Variants in RNF169 observed in about 807,000 individuals in gnomAD.
RNF169 encodes ring finger protein 169.
In RNF169, 24 loss-of-function variants were observed where a neutral mutation model predicts 53.9. The observed-to-expected ratio is 0.45, with a 90% CI of 0.32 to 0.63. RNF169 has a LOEUF of 0.63. Ranked by LOEUF, RNF169 falls within the 20% of genes least tolerant of loss-of-function variation. RNF169 has a pLI of 0.04. For missense variants in RNF169, 883 were observed against 906.2 expected, an observed-to-expected ratio of 0.97 and a Z score of 0.33; for synonymous variants, 396 against 363.5, an observed-to-expected ratio of 1.09 and a Z score of -1.02.
At chr11:74,777,673 G>C (rs1159009137) in intron 1 of RNF169, among the ~76,000 whole-genome samples, 1 of 151,636 alleles carries the variant, frequency 6.6e-6, no homozygotes. Context: ...TTTGAGACAG[G>C]GTCTTGCTCT....
intron 2 of RNF169, among the ~76,000 whole-genome samples, chr11:74,804,294 A>T (rs1314124417): frequency 6.6e-6 from 1 of 152,186 alleles, no homozygotes; most frequent in Admixed American, 6.5e-5. Flanking sequence ...GTCACCTGTA[A>T]CCCTGAACTG....
intron 3 of RNF169, 128 bp from the exon 4 acceptor site, chr11:74,817,468 A>T (rs1231065105): frequency 1.5e-6 from 1 of 659,728 alleles, no homozygotes; most frequent in East Asian, 2.5e-5. Context: ...TATCTCCAGG[A>T]GGCAGTTGGA....
chr11:74,794,474 T>C (rs2135092038), intron 2 of RNF169, among the ~76,000 whole-genome samples: 1 of 152,332 alleles, frequency 6.6e-6, no homozygotes, highest in African/African-American at 2.4e-5. Context: ...TGCTAGCATA[T>C]ATAAATAAAG....
intron 1 of RNF169, among the ~76,000 whole-genome samples, chr11:74,752,512 G>A (rs1268923254): frequency 6.6e-6 from 1 of 151,044 alleles, no homozygotes; most frequent in African/African-American, 2.4e-5. Context: ...CAGGAGACTC[G>A]CTTGAACCTG....
chr11:74,823,464 G>A (rs1365195132), intron 4 of RNF169, among the ~76,000 whole-genome samples: 1 of 152,170 alleles, frequency 6.6e-6, no homozygotes, highest in Non-Finnish European at 1.5e-5. Context: ...GGCTGAGTTT[G>A]GTGACTCATG....
At position 74,839,024 on chromosome 11, in the gene RNF169, A is replaced by G. The variant is rs2036299736; in HGVS notation, c.*2294A>G. ...AAAAAGAAATATTTTTAATAGATAA[A>G]AGATATATATTTTAAATATTTCCCC... On this transcript the variant is annotated 3_prime_UTR_variant, in exon 6 of 6. Transcript: ENST00000299563. 6.6e-6 allele frequency: 1 copy of G among 152,206 alleles called. No homozygotes were observed. The highest frequency in any genetic ancestry group is 1.9e-4 in the East Asian group (1 of 5,204). The allele number at this position is 152,206 out of a possible 1,614,324, so 9.4% of individuals were successfully genotyped here.
chr11:74,830,687 A>G (rs1048249029), intron 4 of RNF169: 7 of 152,228 alleles, frequency 4.6e-5, no homozygotes, highest in African/African-American at 1.7e-4. Context: ...GGTAAGCATT[A>G]CCCTGATACC....
intron 1 of RNF169, among the ~76,000 whole-genome samples, chr11:74,759,266 T>A (rs1294182942): frequency 7.0e-6 from 1 of 143,294 alleles, no homozygotes; most frequent in East Asian, 2.2e-4. Context: ...CAGGGACAAT[T>A]TGACTTCCTC....
intron 1 of RNF169, among the ~76,000 whole-genome samples, chr11:74,772,167 A>G (rs543288828): frequency 7.4e-6 from 1 of 134,868 alleles, no homozygotes; most frequent in South Asian, 2.4e-4. Flanking sequence ...TCTAAGGGAA[A>G]AATTGGTCTT....
At chr11:74,796,663 C>T (rs1565179491) in intron 2 of RNF169, among the ~76,000 whole-genome samples, 1 of 151,828 alleles carries the variant, frequency 6.6e-6, no homozygotes, top group African/African-American at 2.4e-5. Context: ...CTCTGAAAGA[C>T]TGAAGGTGGG....
chr11:74,834,162 A>C (rs2036218183), intron 4 of RNF169, among the ~76,000 whole-genome samples: 1 of 152,210 alleles, frequency 6.6e-6, no homozygotes, highest in Non-Finnish European at 1.5e-5. Context: ...AATCACTAGG[A>C]TTTAGGCCTT....
chr11:74,766,259 C>A (rs1330969189), intron 1 of RNF169, among the ~76,000 whole-genome samples: 5 of 152,104 alleles, frequency 3.3e-5, no homozygotes, highest in Admixed American at 2.6e-4. Flanking sequence ...CAAAGCAATA[C>A]CACCGCGTGG....
chr11:74,778,024 C>T (rs12576129), intron 1 of RNF169, among the ~76,000 whole-genome samples: 38,312 of 152,020 alleles, frequency 0.25, 5,746 homozygotes, highest in East Asian at 0.54. Flanking sequence ...AAAGCATTGC[C>T]TCTCCTTCCC....
At chr11:74,782,511 C>A (rs1458096940) in intron 1 of RNF169, among the ~76,000 whole-genome samples, 1 of 152,124 alleles carries the variant, frequency 6.6e-6, no homozygotes, top group Non-Finnish European at 1.5e-5. Flanking sequence ...GGAACAGTTT[C>A]ATCTCAACCA....
chr11:74,836,891 G>T lies in RNF169; in HGVS notation c.*161G>T, dbSNP rs2036265821. On this transcript the variant is annotated 3_prime_UTR_variant, in exon 6 of 6. Transcript: ENST00000299563. ...TTTGTAGTCAATATCCAAGGGAAAA[G>T]CATCTCCGTTTCTCTGTGACCCAGG... is the stretch of plus-strand genomic sequence containing the variant. The T allele has an allele frequency of 1.6e-6, 1 of 614,072 alleles. No homozygotes were observed. The highest frequency in any genetic ancestry group is 2.9e-5 in the East Asian group (1 of 34,522). 38.0% of individuals were successfully genotyped at this position (614,072 alleles called of 1,614,324 possible).
chr11:74,835,824 C>G lies in RNF169; in HGVS notation c.1221C>G (p.Ile407Met). ...GCCGTGTGCTAAGTCCTCTCATCAT[C>G]AAATCAACTCCACGCAACCTAAACA... ...PDGRVLSPLI[I>M]KSTPRNLNRS... is the part of the protein sequence containing the mutation. The change falls in exon 6 of 6, where the codon ATC becomes ATG. Residue 407 changes from isoleucine to methionine, a missense_variant. Around this residue, in one of 3 missense-constraint regions of RNF169, gnomAD observed 219 missense variants for 289.1 expected, o/e 0.76. Coordinates refer to ENST00000299563, the MANE Select transcript of RNF169 (RefSeq NM_001098638.2). The G allele has an allele frequency of 6.2e-7, 1 of 1,614,180 alleles. No homozygotes were observed. Among genetic ancestry groups the G allele is most frequent in the Non-Finnish European group, 8.5e-7 (1 of 1,180,026 alleles).
At chr11:74,762,471 G>T (rs1211295904) in intron 1 of RNF169, among the ~76,000 whole-genome samples, 1 of 152,192 alleles carries the variant, frequency 6.6e-6, no homozygotes, top group Non-Finnish European at 1.5e-5. Context: ...GTGATGTACA[G>T]ATGGGTTTTC....
At chr11:74,776,258 T>C (rs1313866870) in intron 1 of RNF169, among the ~76,000 whole-genome samples, 1 of 152,174 alleles carries the variant, frequency 6.6e-6, no homozygotes, top group Non-Finnish European at 1.5e-5. Flanking sequence ...TATGGACTTA[T>C]TTTCCCTTCC....
intron 1 of RNF169, among the ~76,000 whole-genome samples, chr11:74,778,163 C>CT (rs746133591): frequency 6.6e-6 from 1 of 152,118 alleles, no homozygotes; most frequent in East Asian, 1.9e-4. Flanking sequence ...ATTTTTAAAG[C>CT]TTTTTATGAT....
Sources: allele counts gnomAD v4.1 joint callset (sites outside exome capture counted in the v4.1 genomes callset), GRCh38; gene constraint gnomAD v4.1.1; regional missense constraint gnomAD v4.1.1; transcripts MANE v1.5; gene names NCBI Gene and HGNC (gene_info 2026-07-23, HGNC 2026-07-21).